The following GRID1 variants were observed in gnomAD, a reference collection of about 807,000 sequenced individuals.
GRID1 encodes the protein glutamate ionotropic receptor delta type subunit 1.
GRID1 carries 28 observed loss-of-function variants against 98.0 expected under a neutral mutation model. The ratio of observed to expected loss-of-function variants is 0.29; its 90% CI spans 0.21 to 0.39. GRID1 has a LOEUF of 0.39. GRID1 is among the 10% of genes least tolerant of loss of function. GRID1 has a pLI of 1.00. For missense variants in GRID1, 1,111 were observed against 1,340.5 expected (o/e 0.83, Z 2.67); for synonymous variants, 553 against 538.5 (o/e 1.03, Z -0.37).
At chr10:86,285,777 A>G (rs1302054873) in intron 2 of GRID1, among the ~76,000 whole-genome samples, 1 of 152,224 alleles carries the variant, frequency 6.6e-6, no homozygotes, top group Non-Finnish European at 1.5e-5. Flanking sequence ...GATTCGATAT[A>G]TGGTAAGTCC....
At chr10:86,194,491 G>A (rs933147417) in intron 3 of GRID1, among the ~76,000 whole-genome samples, 1 of 152,134 alleles carries the variant, frequency 6.6e-6, no homozygotes, top group African/African-American at 2.4e-5. Flanking sequence ...GGCATGTCCA[G>A]GCAAGGCCTT....
chr10:86,164,789 T>C (rs561924955), intron 3 of GRID1, among the ~76,000 whole-genome samples: 25 of 152,138 alleles, frequency 1.6e-4, no homozygotes, highest in Middle Eastern at 3.4e-3. Context: ...AGCCATTCCC[T>C]CCAATGTAGT....
intron 4 of GRID1, among the ~76,000 whole-genome samples, chr10:86,067,475 G>C (rs1206991407): frequency 6.6e-6 from 1 of 152,208 alleles, no homozygotes; most frequent in South Asian, 2.1e-4. Flanking sequence ...CAAACTGGGA[G>C]GCATCAGGTA....
intron 5 of GRID1, among the ~76,000 whole-genome samples, chr10:85,892,567 G>A (rs1841218740): frequency 6.6e-6 from 1 of 151,134 alleles, no homozygotes; most frequent in African/African-American, 2.4e-5. Flanking sequence ...AGAAAACTAT[G>A]TTTTTCCTAG....
At chr10:85,778,309 G>A (rs1842350477) in intron 8 of GRID1, among the ~76,000 whole-genome samples, 1 of 152,076 alleles carries the variant, frequency 6.6e-6, no homozygotes, top group Admixed American at 6.5e-5. Context: ...CAGTGACAAG[G>A]TGAGGAACAG....
intron 8 of GRID1, among the ~76,000 whole-genome samples, chr10:85,737,669 T>TAC (rs1358338373): frequency 7.6e-6 from 1 of 131,602 alleles, no homozygotes; most frequent in South Asian, 2.4e-4. Flanking sequence ...TATATATATA[T>TAC]ATATAAACAT....
chr10:85,767,872 T>A (rs1489501500), intron 8 of GRID1, among the ~76,000 whole-genome samples: 2 of 152,214 alleles, frequency 1.3e-5, no homozygotes, highest in Non-Finnish European at 2.9e-5. Context: ...CACAAAAGGC[T>A]ATGGCTGGTG....
At chr10:86,007,303 C>G (rs1842872149) in intron 4 of GRID1, among the ~76,000 whole-genome samples, 1 of 152,232 alleles carries the variant, frequency 6.6e-6, no homozygotes, top group Admixed American at 6.5e-5. Flanking sequence ...CTCCTCCCAC[C>G]CCCCACTGAC....
At chr10:85,966,488 A>G (rs1842338258) in intron 4 of GRID1, among the ~76,000 whole-genome samples, 1 of 152,084 alleles carries the variant, frequency 6.6e-6, no homozygotes, top group Admixed American at 6.5e-5. Flanking sequence ...ACCCCCAGGA[A>G]AGGGTAAAAA....
In GRID1 at chr10:85,821,539, A is replaced by AAAAAAAAAAAGCAAACAAAC. The variant is rs770693495; in HGVS notation, c.1233+32956_1233+32957insGTTTGTTTGCTTTTTTTTTT. Among the ~76,000 whole-genome samples, 68 of 97,616 alleles carry AAAAAAAAAAAGCAAACAAAC rather than the reference A, an allele frequency of 7.0e-4. 7 individuals are homozygous for AAAAAAAAAAAGCAAACAAAC. The highest frequency in any genetic ancestry group is 1.5e-3 in the South Asian group (4 of 2,696). The allele number at this position is 97,616 out of a possible 152,430, so 64.0% of individuals were successfully genotyped here. A position where few individuals can be genotyped will look rare whatever the true frequency, so the allele number is the denominator to read the frequency against. ...CTCAAAAAAAAAAAAAAAAAAAAAAAAAAAAAGAAAACAGATCAATAGTTG... is the reference window on the plus strand; with the variant it reads ...CTCAAAAAAAAAAAAAAAAAAAAAAAAAAAAAAAAAGCAAACAAACAAAAAAGAAAACAGATCAATAGTTG... On this transcript the variant is annotated intron_variant, in intron 8 of 15. Coordinates refer to ENST00000327946, the MANE Select transcript of GRID1 (RefSeq NM_017551.3).
intron 8 of GRID1, among the ~76,000 whole-genome samples, chr10:85,763,094 A>G (rs1313744741): frequency 6.6e-6 from 1 of 152,118 alleles, no homozygotes; most frequent in Non-Finnish European, 1.5e-5. Flanking sequence ...TTCTCCAGAA[A>G]CTGAGACTTC....
chr10:86,036,086 G>A (rs900092620), intron 4 of GRID1, among the ~76,000 whole-genome samples: 3 of 152,208 alleles, frequency 2.0e-5, no homozygotes, highest in African/African-American at 7.2e-5. Context: ...TATGGAGAAG[G>A]AAGCCCAGAG....
At position 86,178,887 on chromosome 10, in the gene GRID1, G is replaced by A. The variant is rs566555418; in HGVS notation, c.520+27477C>T. 1.2e-4 allele frequency among the ~76,000 whole-genome samples: 18 copies of A among 152,206 alleles called. 1 individual carries two copies. The South Asian group carries it at 1.9e-3, about 16-fold the overall frequency. On this transcript the variant is annotated intron_variant, in intron 3 of 15. Coordinates refer to ENST00000327946, the MANE Select transcript of GRID1 (RefSeq NM_017551.3). ...CCTGATGGGGAGAATTTTCTCTGTC[G>A]CTTTGAGCCAAGAGCCTTGACCTTG...
At chr10:86,312,442 C>T (rs1192350999) in intron 2 of GRID1, among the ~76,000 whole-genome samples, 2 of 152,206 alleles carry the variant, frequency 1.3e-5, no homozygotes, top group African/African-American at 4.8e-5. Flanking sequence ...GCTTTCCTTC[C>T]AATCCGCTCC....
chr10:85,786,110 G>C (rs1842426598), intron 8 of GRID1, among the ~76,000 whole-genome samples: 1 of 152,120 alleles, frequency 6.6e-6, no homozygotes. Context: ...TGTATAAAAT[G>C]AATTTTTTTC....
intron 4 of GRID1, among the ~76,000 whole-genome samples, chr10:86,026,818 G>C (rs1365053011): frequency 6.6e-6 from 1 of 152,214 alleles, no homozygotes; most frequent in Non-Finnish European, 1.5e-5. Flanking sequence ...GCCCTCATGT[G>C]GAGACGTGTG....
chr10:85,618,287 T>C lies in GRID1; in HGVS notation c.2360+1580A>G, dbSNP rs1205220089. ...CTGCCTTGGGGTACATGAGCAGTCTTGGTGCTGCTGCTGTGTTGGCCCCAT... is the reference window on the plus strand; with the variant it reads ...CTGCCTTGGGGTACATGAGCAGTCTCGGTGCTGCTGCTGTGTTGGCCCCAT... On this transcript the variant is annotated intron_variant, in intron 14 of 15. Transcript: ENST00000327946. 4.6e-5 allele frequency among the ~76,000 whole-genome samples: 7 copies of C among 152,172 alleles called. No individual in the cohort carries two copies. In the East Asian group the frequency reaches 1.4e-3, roughly 30 times the overall value.
At chr10:86,239,585 T>C (rs1028755188) in intron 2 of GRID1, among the ~76,000 whole-genome samples, 2 of 152,146 alleles carry the variant, frequency 1.3e-5, no homozygotes, top group Non-Finnish European at 2.9e-5. Context: ...AGGGGCCTGG[T>C]GGGAGGTGAT....
chr10:85,755,730 C>T (rs769494010), intron 8 of GRID1, among the ~76,000 whole-genome samples: 16 of 152,140 alleles, frequency 1.1e-4, no homozygotes, highest in South Asian at 2.1e-4. Flanking sequence ...CATAAGCACA[C>T]GTGTTGGGGC....
Sources: allele counts gnomAD v4.1 joint callset (sites outside exome capture counted in the v4.1 genomes callset), GRCh38; gene constraint gnomAD v4.1.1; transcripts MANE v1.5; gene names NCBI Gene and HGNC (gene_info 2026-07-23, HGNC 2026-07-21).